The following WDR72 variants were observed in gnomAD, a reference collection of about 807,000 sequenced individuals.
WDR72 encodes WD repeat domain 72.
In WDR72, 120 loss-of-function variants were observed where a neutral mutation model predicts 124.2. That is an observed-to-expected ratio of 0.97 (90% CI 0.83 to 1.12). The LOEUF (loss-of-function observed/expected upper bound fraction) is 1.12. WDR72 is among the 50% of genes most tolerant of loss of function. The pLI, the probability that WDR72 is intolerant of heterozygous loss-of-function variation, is 0.00. For missense variants in WDR72, 1,387 were observed against 1,278.8 expected (o/e 1.08, Z -1.29); for synonymous variants, 452 against 441.7 (o/e 1.02, Z -0.29).
Position 53,716,665 on chromosome 15 carries a change from A to G in WDR72, c.281T>C (p.Val94Ala). ...AENGEMCVWN[V>A]TNGQCMEKAT... is the part of the protein sequence containing the mutation. ...CTTCTCCATGCACTGTCCATTGGTGACATTCCAAACACACATCTCCCTAGC... is the reference window on the plus strand; with the variant it reads ...CTTCTCCATGCACTGTCCATTGGTGGCATTCCAAACACACATCTCCCTAGC... The change falls in exon 4 of 20, where the codon GTC becomes GCC. Residue 94 changes from valine to alanine, a missense_variant. Coordinates refer to ENST00000360509, the MANE Select transcript of WDR72 (RefSeq NM_182758.4). 1 of 1,605,814 alleles carries G rather than the reference A, an allele frequency of 6.2e-7. No homozygotes were observed. Among genetic ancestry groups the G allele is most frequent in the Non-Finnish European group, 8.5e-7 (1 of 1,173,852 alleles).
At chr15:53,755,140 A>T (rs2018867153) in intron 1 of WDR72, among the ~76,000 whole-genome samples, 1 of 152,256 alleles carries the variant, frequency 6.6e-6, no homozygotes, top group Non-Finnish European at 1.5e-5. Flanking sequence ...GCTATTAGCT[A>T]TTCAAGAGAG....
intron 3 of WDR72, among the ~76,000 whole-genome samples, chr15:53,717,299 T>C (rs990853263): frequency 2.0e-5 from 3 of 152,166 alleles, no homozygotes; most frequent in Non-Finnish European, 4.4e-5. Flanking sequence ...CATAGGGTAG[T>C]TTATATGACT....
intron 2 of WDR72, among the ~76,000 whole-genome samples, chr15:53,726,506 T>G (rs954441840): frequency 2.6e-5 from 4 of 152,012 alleles, no homozygotes; most frequent in African/African-American, 9.7e-5. Context: ...AAAATTAACC[T>G]TCCTACATTA....
At chr15:53,541,317 T>A (rs890573389) in intron 18 of WDR72, among the ~76,000 whole-genome samples, 1 of 152,096 alleles carries the variant, frequency 6.6e-6, no homozygotes, top group African/African-American at 2.4e-5. Context: ...GACTGCCTCC[T>A]CAAGTGGGTC....
chr15:53,535,130 C>T (rs1892694219), intron 18 of WDR72, among the ~76,000 whole-genome samples: 4 of 152,030 alleles, frequency 2.6e-5, no homozygotes, highest in African/African-American at 7.2e-5. Flanking sequence ...ACTATGATCT[C>T]TAAAAGAATA....
rs138465897 is a variant in WDR72 at position 53,702,127 on chromosome 15, G to A, written c.1569+7C>T. 804 of 1,603,986 alleles carry A rather than the reference G, an allele frequency of 5.0e-4. 6 individuals are homozygous for A. In the African/African-American group the frequency reaches 8.8e-3, roughly 18 times the overall value. ...ATTTAGATGTTATATTTTACTCTTCGTCTTACTTTAAACTTCTCTGGTGAC... is the reference window on the plus strand; with the variant it reads ...ATTTAGATGTTATATTTTACTCTTCATCTTACTTTAAACTTCTCTGGTGAC... On this transcript the variant is annotated splice_region_variant and intron_variant, in intron 12 of 19. Transcript: ENST00000360509.
At chr15:53,683,268 T>C (rs191378697) in intron 13 of WDR72, among the ~76,000 whole-genome samples, 2 of 152,236 alleles carry the variant, frequency 1.3e-5, no homozygotes, top group African/African-American at 4.8e-5. Flanking sequence ...GTTCTGATGT[T>C]TGGCATCAGA....
intron 14 of WDR72, among the ~76,000 whole-genome samples, chr15:53,638,106 G>A (rs550773967): frequency 2.0e-5 from 3 of 152,168 alleles, no homozygotes; most frequent in South Asian, 2.1e-4. Context: ...TTAACTGTAA[G>A]GAATGAGGTG....
chr15:53,704,475 A>G (rs1353930421), intron 11 of WDR72, among the ~76,000 whole-genome samples: 3 of 151,920 alleles, frequency 2.0e-5, no homozygotes, highest in African/African-American at 7.2e-5. Flanking sequence ...GTAAGGAGAA[A>G]AAATCATTTC....
chr15:53,720,569 C>T (rs998103674), intron 3 of WDR72, among the ~76,000 whole-genome samples: 9 of 152,094 alleles, frequency 5.9e-5, no homozygotes, highest in African/African-American at 2.2e-4. Context: ...TATTATTTTG[C>T]CCCAATTTTT....
chr15:53,568,724 G>T (rs951549966), intron 18 of WDR72, among the ~76,000 whole-genome samples: 1 of 151,952 alleles, frequency 6.6e-6, no homozygotes, highest in Non-Finnish European at 1.5e-5. Context: ...AAGGACCACT[G>T]ATCATCTCTA....
chr15:53,615,321 C>CT, intron 15 of WDR72, 105 bp downstream of exon 15: 1 of 879,160 alleles, frequency 1.1e-6, no homozygotes, highest in Non-Finnish European at 1.7e-6. Flanking sequence ...ACTTACCCCC[C>CT]ACTGGAAAGA....
Position 53,523,236 on chromosome 15 carries a change from C to T in WDR72, c.3235G>A (p.Glu1079Lys), listed in dbSNP as rs1268062118. 3 of 1,613,070 alleles carry T rather than the reference C, an allele frequency of 1.9e-6. No homozygotes were observed. The highest frequency in any genetic ancestry group is 2.2e-5 in the South Asian group (2 of 91,064). ...VEDMPDRCAL[E>K]ESESPGEPRH... ...CTTTCACCTGGACTCTCAGACTCTT[C>T]CAAGGCACATCTGTCAGGCATGTCC... The change falls in exon 19 of 20, where the codon GAA becomes AAA. Residue 1079 changes from glutamate (E) to lysine (K), a missense_variant. Coordinates refer to ENST00000360509, the MANE Select transcript of WDR72 (RefSeq NM_182758.4).
chr15:53,564,812 CA>C lies in WDR72; in HGVS notation c.3148+32266del, dbSNP rs368476898. Among the ~76,000 whole-genome samples the C allele has an allele frequency of 3.8e-3, 584 of 151,960 alleles. 4 individuals carry two copies. The highest frequency in any genetic ancestry group is 0.014 in the African/African-American group (569 of 41,522). ...ATGATGAAGGTGCTAGTCCTGCTGA[CA>C]GCAGGCAAGAAAATAGGCAAGTACG... On this transcript the variant is annotated intron_variant, in intron 18 of 19. Transcript: ENST00000360509.
intron 14 of WDR72, among the ~76,000 whole-genome samples, chr15:53,645,525 G>A (rs181828579): frequency 2.6e-5 from 4 of 152,156 alleles, no homozygotes; most frequent in Middle Eastern, 3.4e-3. Context: ...TCAATAAACC[G>A]TTATAAAATG....
chr15:53,735,283 AG>A (rs778430227), intron 1 of WDR72, among the ~76,000 whole-genome samples: 2 of 151,950 alleles, frequency 1.3e-5, no homozygotes, highest in South Asian at 2.1e-4. Flanking sequence ...AGAGCAAGAC[AG>A]GGGGGAAAAA....
intron 18 of WDR72, among the ~76,000 whole-genome samples, chr15:53,547,492 G>C (rs1192124217): frequency 6.6e-6 from 1 of 152,186 alleles, no homozygotes; most frequent in Non-Finnish European, 1.5e-5. Flanking sequence ...GACAGAGCAT[G>C]TGGGAGGTGC....
At position 53,705,073 on chromosome 15, in the gene WDR72, A is replaced by G. The variant is rs1471039431; in HGVS notation, c.1263T>C (p.Cys421=). The G allele has an allele frequency of 6.2e-7, 1 of 1,613,988 alleles. No individual in the cohort carries two copies. The highest frequency in any genetic ancestry group is 1.3e-5 in the African/African-American group (1 of 74,912). ...EYIPSLDKLI[C]GCEDGTIIIT... Reference sequence around the variant, plus strand: ...TGATAATTGTCCCATCTTCACAGCCACATATTAGTTTATCAAGACTTGGAA... The same window carrying G: ...TGATAATTGTCCCATCTTCACAGCCGCATATTAGTTTATCAAGACTTGGAA... The change falls in exon 11 of 20, where the codon TGT becomes TGC. Residue 421 remains cysteine (C), a synonymous_variant. Transcript: ENST00000360509.
chr15:53,559,559 G>A (rs1420298000), intron 18 of WDR72, among the ~76,000 whole-genome samples: 1 of 151,892 alleles, frequency 6.6e-6, no homozygotes, highest in Non-Finnish European at 1.5e-5. Context: ...AGCTCTATTC[G>A]GGGCCTCCTT....
Sources: gnomAD v4.1 joint callset for allele counts (sites outside exome capture counted in the v4.1 genomes callset) on GRCh38, gnomAD v4.1.1 for gene constraint, MANE v1.5 for transcripts, NCBI Gene and HGNC (gene_info 2026-07-23, HGNC 2026-07-21) for gene names.